Variants in CDH23 observed in about 807,000 individuals in gnomAD.
The protein encoded by CDH23 is cadherin-23.
Under a neutral mutation model 317.1 loss-of-function variants are expected in CDH23, and 189 were observed. That is an observed-to-expected ratio of 0.60 (90% CI 0.53 to 0.67). The LOEUF (loss-of-function observed/expected upper bound fraction) is 0.67. CDH23 is among the 30% of genes least tolerant of loss of function. The probability of loss-of-function intolerance (pLI) is 0.00; values close to 1 mark genes in which losing one functional copy is unlikely to be tolerated. For missense variants in CDH23, 4,401 were observed against 4,592.4 expected, an observed-to-expected ratio of 0.96 and a Z score of 1.20; for synonymous variants, 1,839 against 1,876.8, an observed-to-expected ratio of 0.98 and a Z score of 0.52.
chr10:71,577,937 C>A lies in CDH23; in HGVS notation c.777C>A (p.Thr259=), dbSNP rs542798557. The change falls in exon 9 of 70, where the codon ACC becomes ACA. Residue 259 remains threonine, a synonymous_variant. Coordinates refer to ENST00000224721, the MANE Select transcript of CDH23 (RefSeq NM_022124.6). ...AGGGCACGACGGTGCGCATCATCACCGCCATAGACCAGGATAAAGGACGTC... is the reference window on the plus strand; with the variant it reads ...AGGGCACGACGGTGCGCATCATCACAGCCATAGACCAGGATAAAGGACGTC... ...SPPGTTVRII[T]AIDQDKGRPR... is the part of the protein sequence containing the mutation. 1.0e-4 allele frequency: 166 copies of A among 1,604,518 alleles called. 2 individuals carry two copies. The South Asian group carries it at 1.8e-3, about 17-fold the overall frequency.
intron 18 of CDH23, 127 bp downstream of exon 18, chr10:71,682,699 C>T (rs1446253988): frequency 2.5e-6 from 3 of 1,221,376 alleles, no homozygotes; most frequent in African/African-American, 3.0e-5. Context: ...GGGAGTTTAC[C>T]CAGCCATCTG....
intron 22 of CDH23, among the ~76,000 whole-genome samples, chr10:71,698,422 A>C (rs1564740416): frequency 6.6e-6 from 1 of 152,136 alleles, no homozygotes; most frequent in African/African-American, 2.4e-5. Context: ...TACAGAGGGA[A>C]TAGCTAACAG....
chr10:71,810,956 T>C (rs986334187), intron 62 of CDH23, among the ~76,000 whole-genome samples: 2 of 151,854 alleles, frequency 1.3e-5, no homozygotes, highest in African/African-American at 4.8e-5. Flanking sequence ...GGCACACACC[T>C]GTAATCCCAG....
chr10:71,734,250 C>T lies in CDH23; in HGVS notation c.4115C>T (p.Thr1372Ile). Residue 1372 changes from threonine to isoleucine, a missense_variant, in exon 33 of 70, where the codon ACA becomes ATA. By Grantham distance (89) the Thr-to-Ile change is moderately conservative (BLOSUM62 -1). Coordinates refer to ENST00000224721, the MANE Select transcript of CDH23 (RefSeq NM_022124.6). ...FKIDAITGVI[T>I]VQGLVDREKG... The stretch of plus-strand genomic sequence containing the variant: ...GCCCCTTCCCTGCAGGGTGTGATCA[C>T]AGTCCAGGGCCTGGTGGACCGTGAG... 1 of 1,610,272 alleles carries T rather than the reference C, an allele frequency of 6.2e-7. No individual in the cohort carries two copies.
rs1842100468 is a variant in CDH23, at chr10:71,815,348, GA to G, written c.*71del. 7.1e-7 allele frequency: 1 copy of G among 1,412,074 alleles called. No homozygotes were observed. Among genetic ancestry groups the G allele is most frequent in the Admixed American group, 2.6e-5 (1 of 38,876 alleles). 87.5% of individuals were successfully genotyped at this position (1,412,074 alleles called of 1,614,324 possible). The stretch of plus-strand genomic sequence containing the variant: ...TCCCCTCCCAGGGAGCAAGGGCAGG[GA>G]CAGGGCCGGTCGGGGGGGACCCTCC... On this transcript the variant is annotated 3_prime_UTR_variant, in exon 70 of 70. Coordinates refer to ENST00000224721, the MANE Select transcript of CDH23 (RefSeq NM_022124.6).
At chr10:71,801,683 A>G (rs1841562288) in intron 53 of CDH23, among the ~76,000 whole-genome samples, 2 of 152,008 alleles carry the variant, frequency 1.3e-5, no homozygotes, top group Admixed American at 1.3e-4. Flanking sequence ...CCTCACAATA[A>G]TCTCATCATC....
chr10:71,623,601 G>A (rs1017343745), intron 11 of CDH23, among the ~76,000 whole-genome samples: 1 of 152,188 alleles, frequency 6.6e-6, no homozygotes, highest in Non-Finnish European at 1.5e-5. Context: ...CAGTGAAAAG[G>A]AGTGAAGTCT....
intron 41 of CDH23, among the ~76,000 whole-genome samples, chr10:71,781,763 T>C (rs370693949): frequency 1.4e-4 from 21 of 152,048 alleles, no homozygotes; most frequent in Admixed American, 7.2e-4. Context: ...GGAGGCTTCC[T>C]CCCCCAAGGA....
chr10:71,457,730 C>A (rs1850767157), intron 3 of CDH23, among the ~76,000 whole-genome samples: 1 of 152,238 alleles, frequency 6.6e-6, no homozygotes, highest in East Asian at 1.9e-4. Context: ...CCCTGTTCAG[C>A]CCTTGCTTCC....
chr10:71,777,684 C>T lies in CDH23; in HGVS notation c.4850C>T (p.Thr1617Ile). The change falls in exon 39 of 70, where the codon ACC becomes ATC. Residue 1617 changes from threonine (T) to isoleucine (I), a missense_variant. Around this residue, in one of 3 missense-constraint regions of CDH23, gnomAD observed 3,068 missense variants for 3,203.3 expected, o/e 0.96. Transcript: ENST00000224721. ...EDEGTPTLSA[T>I]THVYVTIVDE... ...GTGACCCACTCTTTTCCACAGGCCA[C>T]CACGCACGTGTACGTGACCATTGTG... 6.2e-7 allele frequency: 1 copy of T among 1,609,772 alleles called. No individual in the cohort carries two copies. The highest frequency in any genetic ancestry group is 8.5e-7 in the Non-Finnish European group (1 of 1,178,288).
intron 16 of CDH23, among the ~76,000 whole-genome samples, chr10:71,678,534 G>C (rs1206158661): frequency 6.6e-6 from 1 of 152,222 alleles, no homozygotes; most frequent in Non-Finnish European, 1.5e-5. Flanking sequence ...GAAGCAGGTA[G>C]GGATGAAGGC....
chr10:71,482,894 C>A (rs1019246327), intron 3 of CDH23, among the ~76,000 whole-genome samples: 2 of 152,146 alleles, frequency 1.3e-5, no homozygotes, highest in African/African-American at 4.8e-5. Context: ...TGAAGTGTTT[C>A]CAGGCAACAG....
chr10:71,791,450 G>A, intron 47 of CDH23, 115 bp downstream of exon 47: 1 of 852,860 alleles, frequency 1.2e-6, no homozygotes. Context: ...AAGATGGGCA[G>A]CAGGGTGAGT....
intron 8 of CDH23, among the ~76,000 whole-genome samples, chr10:71,575,190 T>C (rs1001395727): frequency 6.6e-6 from 1 of 152,144 alleles, no homozygotes; most frequent in Non-Finnish European, 1.5e-5. Flanking sequence ...TATGGGGTGT[T>C]GGGGAGTCTG....
chr10:71,450,265 T>A (rs1273496025), intron 3 of CDH23, among the ~76,000 whole-genome samples: 3 of 7,694 alleles, frequency 3.9e-4, no homozygotes, highest in Non-Finnish European at 2.0e-3. Flanking sequence ...GAATCTACTT[T>A]TTTTTTTTTT....
At chr10:71,813,812 G>A (rs892821061) in intron 69 of CDH23, among the ~76,000 whole-genome samples, 1 of 152,102 alleles carries the variant, frequency 6.6e-6, no homozygotes, top group Admixed American at 6.5e-5. Flanking sequence ...GGGGGCTGAG[G>A]CAGGAGAATT....
chr10:71,781,535 C>T (rs1840954209), intron 41 of CDH23, among the ~76,000 whole-genome samples: 1 of 152,212 alleles, frequency 6.6e-6, no homozygotes, highest in Non-Finnish European at 1.5e-5. Flanking sequence ...CTCTGCACCC[C>T]AGCCTCAAGG....
intron 18 of CDH23, among the ~76,000 whole-genome samples, chr10:71,686,396 G>A (rs1180914139): frequency 3.9e-5 from 6 of 152,060 alleles, no homozygotes; most frequent in African/African-American, 2.4e-5. Context: ...GCAGGTCAGC[G>A]TGACCCAGGG....
chr10:71,706,247 C>T (rs1052203238), intron 25 of CDH23, among the ~76,000 whole-genome samples: 4 of 152,122 alleles, frequency 2.6e-5, no homozygotes, highest in South Asian at 2.1e-4. Flanking sequence ...GCATGCAGAG[C>T]GGAGTAAACA....
Sources: allele counts gnomAD v4.1 joint callset (sites outside exome capture counted in the v4.1 genomes callset), GRCh38; gene constraint gnomAD v4.1.1; regional missense constraint gnomAD v4.1.1; transcripts MANE v1.5; gene names NCBI Gene and HGNC (gene_info 2026-07-23, HGNC 2026-07-21).